Variants in RELN observed in about 807,000 individuals in gnomAD.
RELN encodes the protein reelin.
In RELN, 108 loss-of-function variants were observed where a neutral mutation model predicts 427.6. The ratio of observed to expected loss-of-function variants is 0.25; its 90% CI spans 0.22 to 0.30. RELN has a LOEUF of 0.30. Ranked by LOEUF, RELN falls within the 10% of genes least tolerant of loss-of-function variation. The probability of loss-of-function intolerance (pLI) is 1.00; values close to 1 mark genes in which losing one functional copy is unlikely to be tolerated. For missense variants in RELN, 3,715 were observed against 4,302.8 expected, an observed-to-expected ratio of 0.86 and a Z score of 3.82; for synonymous variants, 1,524 against 1,513.4, an observed-to-expected ratio of 1.01 and a Z score of -0.16.
chr7:103,665,422 C>T (rs1409279364), intron 11 of RELN, among the ~76,000 whole-genome samples: 2 of 149,514 alleles, frequency 1.3e-5, no homozygotes, highest in Non-Finnish European at 1.5e-5. Flanking sequence ...AGCTGAGCTC[C>T]CTCTGTCCCT....
intron 2 of RELN, among the ~76,000 whole-genome samples, chr7:103,847,012 G>A (rs889154821): frequency 2.0e-5 from 3 of 152,254 alleles, no homozygotes; most frequent in East Asian, 1.9e-4. Flanking sequence ...ACAGTGTGGC[G>A]ACTCCTCAAG....
chr7:103,982,655 G>A (rs1414694709), intron 1 of RELN, among the ~76,000 whole-genome samples: 1 of 151,972 alleles, frequency 6.6e-6, no homozygotes, highest in East Asian at 1.9e-4. Context: ...AAGAGAAGAT[G>A]AGATACAGTG....
chr7:103,846,115 A>T (rs1793670441), intron 2 of RELN, among the ~76,000 whole-genome samples: 1 of 152,238 alleles, frequency 6.6e-6, no homozygotes, highest in Non-Finnish European at 1.5e-5. Context: ...AAGAGCCCAT[A>T]TAGCCAAGAC....
chr7:103,686,535 G>A (rs547210265), intron 10 of RELN, among the ~76,000 whole-genome samples: 1 of 152,080 alleles, frequency 6.6e-6, no homozygotes, highest in Admixed American at 6.6e-5. Context: ...GAGGAACACA[G>A]GAAAGAGAAA....
At chr7:103,610,674 T>C in intron 22 of RELN, 21 bp downstream of exon 22, 1 of 1,129,276 alleles carries the variant, frequency 8.9e-7, no homozygotes, top group Non-Finnish European at 1.4e-6. Flanking sequence ...GTGACAGCCA[T>C]ATCTAAAGAT....
Position 103,869,516 on chromosome 7 carries a change from G to A in RELN, c.338-35844C>T, listed in dbSNP as rs115611808. ...TGTAATTTTTATTTTGAGGATATTA[G>A]TATATTTATGATGCATATAGTGTTC... On this transcript the variant is annotated intron_variant, in intron 2 of 64. Transcript: ENST00000428762. Among the ~76,000 whole-genome samples, 3 of 152,122 alleles carry A rather than the reference G, an allele frequency of 2.0e-5. No homozygotes were observed. In the East Asian group the frequency reaches 5.8e-4, roughly 29 times the overall value.
Position 103,989,034 on chromosome 7 carries a change from T to A in RELN, c.226+97A>T. ...GCTGGGGCCAGGGTTGTCATGGTTC[T>A]TGTTTCCAAGGCCCCTTGGAAGAAG... On this transcript the variant is annotated intron_variant, in intron 1 of 64. Transcript: ENST00000428762. The surrounding 1 kb of genome is among the most constrained non-coding windows in gnomAD (Gnocchi z 4.9). 8.9e-7 allele frequency: 1 copy of A among 1,122,472 alleles called. No homozygotes were observed. The highest frequency in any genetic ancestry group is 1.4e-6 in the Non-Finnish European group (1 of 740,124). 69.5% of individuals were successfully genotyped at this position (1,122,472 alleles called of 1,614,324 possible).
intron 20 of RELN, among the ~76,000 whole-genome samples, chr7:103,618,650 C>T (rs1832140549): frequency 6.6e-6 from 1 of 152,058 alleles, no homozygotes; most frequent in South Asian, 2.1e-4. Flanking sequence ...TTTACCTTTC[C>T]TATTTAAAGT....
At chr7:103,900,286 G>A (rs1263808281) in intron 2 of RELN, among the ~76,000 whole-genome samples, 1 of 152,058 alleles carries the variant, frequency 6.6e-6, no homozygotes, top group Non-Finnish European at 1.5e-5. Context: ...TCTGCTCAAC[G>A]AAATAAGAGA....
At chr7:103,909,741 AT>A (rs1427161922) in intron 2 of RELN, among the ~76,000 whole-genome samples, 6 of 26,604 alleles carry the variant, frequency 2.3e-4, no homozygotes, top group East Asian at 2.2e-3. Context: ...TTTAATATAT[AT>A]AAATATATAT....
chr7:103,923,469 A>AG (rs1314138263), intron 1 of RELN, among the ~76,000 whole-genome samples: 1 of 152,162 alleles, frequency 6.6e-6, no homozygotes, highest in East Asian at 1.9e-4. Context: ...CAAAGAAAAA[A>AG]AAATCATCCC....
chr7:103,627,175 T>G (rs1337728914), intron 20 of RELN, among the ~76,000 whole-genome samples: 2 of 152,042 alleles, frequency 1.3e-5, no homozygotes, highest in African/African-American at 4.8e-5. Context: ...CACATATATA[T>G]TTCAAAATTT....
intron 3 of RELN, among the ~76,000 whole-genome samples, chr7:103,780,793 A>T (rs1432569717): frequency 6.6e-6 from 1 of 152,062 alleles, no homozygotes; most frequent in Admixed American, 6.5e-5. Context: ...TTCTTTATCC[A>T]GTCTACCATT....
At chr7:103,787,355 A>G (rs1224551829) in intron 3 of RELN, among the ~76,000 whole-genome samples, 1 of 151,972 alleles carries the variant, frequency 6.6e-6, no homozygotes, top group Non-Finnish European at 1.5e-5. Context: ...ATCAGAGCAG[A>G]ACTGAAAAAC....
At chr7:103,701,847 T>C (rs537782328) in intron 8 of RELN, among the ~76,000 whole-genome samples, 3 of 152,252 alleles carry the variant, frequency 2.0e-5, no homozygotes, top group African/African-American at 4.8e-5. Context: ...AATAGTGCAA[T>C]TTATGTTTAA....
chr7:103,725,648 G>A (rs1790193252), intron 7 of RELN, among the ~76,000 whole-genome samples: 1 of 152,136 alleles, frequency 6.6e-6, no homozygotes, highest in African/African-American at 2.4e-5. Context: ...TTTAAATTCT[G>A]AGAGCATATT....
chr7:103,731,742 G>A (rs1790360449), intron 6 of RELN, among the ~76,000 whole-genome samples: 1 of 152,052 alleles, frequency 6.6e-6, no homozygotes, highest in Non-Finnish European at 1.5e-5. Context: ...AGGTGGGATG[G>A]AGCAAAGTGG....
chr7:103,623,894 T>G (rs1448600738), intron 20 of RELN, among the ~76,000 whole-genome samples: 2 of 152,192 alleles, frequency 1.3e-5, no homozygotes, highest in Admixed American at 1.3e-4. Flanking sequence ...CACATTATTG[T>G]GGATTCCTGA....
At chr7:103,511,143 TATAA>T (rs1829397721) in intron 50 of RELN, 138 bp from the exon 51 acceptor site, 1 of 682,900 alleles carries the variant, frequency 1.5e-6, no homozygotes, top group African/African-American at 1.8e-5. Flanking sequence ...AAAACACTAA[TATAA>T]ATACATTGTT....
Sources: allele counts gnomAD v4.1 joint callset (sites outside exome capture counted in the v4.1 genomes callset), GRCh38; gene constraint gnomAD v4.1.1; non-coding constraint Gnocchi (gnomAD v3.1); transcripts MANE v1.5; gene names NCBI Gene and HGNC (gene_info 2026-07-23, HGNC 2026-07-21).